Variants in C4orf50 observed in about 807,000 individuals in gnomAD.
The protein encoded by C4orf50 is uncharacterized protein C4orf50.
In C4orf50, 80 loss-of-function variants were observed where a neutral mutation model predicts 77.2. The ratio of observed to expected loss-of-function variants is 1.04; its 90% CI spans 0.87 to 1.25. C4orf50 has a LOEUF of 1.25. Among genes scored for constraint, C4orf50 ranks in the 50% most tolerant of loss-of-function variants. The pLI, the probability that C4orf50 is intolerant of heterozygous loss-of-function variation, is 0.00. For synonymous variants in C4orf50, 532 were observed against 465.3 expected (o/e 1.14, Z -1.84); for missense variants, 1,257 against 1,152.9 (o/e 1.09, Z -1.31).
chr4:5,972,669 A>T (rs1196839936), intron 31 of C4orf50, among the ~76,000 whole-genome samples: 1 of 152,190 alleles, frequency 6.6e-6, no homozygotes, highest in African/African-American at 2.4e-5. Flanking sequence ...AGAGACTCAG[A>T]CCTGGTGCCA....
chr4:5,959,252 G>C, exon 34 of C4orf50: 1 of 1,196,626 alleles, frequency 8.4e-7, no homozygotes, highest in South Asian at 1.5e-5. Context: ...AAAGCCGAAG[G>C]CAAAACCACT....
At chr4:5,988,528 C>A (rs1037819404) in exon 28 of C4orf50, 1 of 1,537,730 alleles carries the variant, frequency 6.5e-7, no homozygotes, top group Non-Finnish European at 8.7e-7. Flanking sequence ...AGCACCGCGT[C>A]TGGAATTCCC....
intron 33 of C4orf50, 148 bp from the exon 12 acceptor site, chr4:5,959,774 C>T (rs1719172092): frequency 1.1e-6 from 1 of 902,308 alleles, no homozygotes; most frequent in Non-Finnish European, 1.6e-6. Context: ...ACTCCTCACA[C>T]ATTGGCTCAC....
At chr4:5,995,609 C>G (rs899956052) in intron 25 of C4orf50, among the ~76,000 whole-genome samples, 5 of 152,096 alleles carry the variant, frequency 3.3e-5, no homozygotes, top group Non-Finnish European at 4.4e-5. Context: ...TGCTCCAGCC[C>G]GGTGCTGTTG....
exon 33 of C4orf50, chr4:5,965,066 C>T: frequency 6.2e-7 from 1 of 1,613,736 alleles, no homozygotes; most frequent in Non-Finnish European, 8.5e-7. Context: ...GCCACTCCGG[C>T]TCGGGAATAG....
At chr4:5,988,549 G>A (rs1721015920) in exon 28 of C4orf50, 2 of 1,537,088 alleles carry the variant, frequency 1.3e-6, no homozygotes, top group Non-Finnish European at 1.7e-6. Flanking sequence ...GGTGCCTGTG[G>A]AAGGTCCTGT....
At chr4:5,935,373 A>C (rs1717961394) in intron 7 of C4orf50, among the ~76,000 whole-genome samples, 2 of 152,238 alleles carry the variant, frequency 1.3e-5, no homozygotes, top group Non-Finnish European at 2.9e-5. Flanking sequence ...AGGTGAAGAG[A>C]AAAAAGCCAT....
chr4:5,998,613 G>A (rs1342529540), intron 25 of C4orf50, among the ~76,000 whole-genome samples: 1 of 152,200 alleles, frequency 6.6e-6, no homozygotes, highest in African/African-American at 2.4e-5. Context: ...GATGACAGTG[G>A]ACAAGGACTT....
At chr4:6,003,127 G>A (rs1018618169) in intron 25 of C4orf50, among the ~76,000 whole-genome samples, 5 of 152,184 alleles carry the variant, frequency 3.3e-5, no homozygotes, top group Admixed American at 2.0e-4. Flanking sequence ...CTTTGCACAA[G>A]GCCACTGCAG....
At chr4:5,959,268 C>A in exon 34 of C4orf50, 4 of 1,337,044 alleles carry the variant, frequency 3.0e-6, no homozygotes, top group Admixed American at 2.2e-5. Flanking sequence ...CCACTTGCCA[C>A]TAAATGAGGG....
At chr4:5,928,854 A>G (rs1218177510) in intron 7 of C4orf50, among the ~76,000 whole-genome samples, 3 of 152,244 alleles carry the variant, frequency 2.0e-5, no homozygotes, top group Non-Finnish European at 4.4e-5. Flanking sequence ...AAAACAAAAA[A>G]TAAGTCAACC....
intron 28 of C4orf50, among the ~76,000 whole-genome samples, chr4:5,985,175 T>C (rs1720793610): frequency 6.6e-6 from 1 of 152,088 alleles, no homozygotes. Context: ...AAAAATTGTT[T>C]TCATAAAAAG....
intron 7 of C4orf50, among the ~76,000 whole-genome samples, chr4:5,929,088 C>T (rs1188144303): frequency 6.6e-6 from 1 of 152,224 alleles, no homozygotes; most frequent in East Asian, 1.9e-4. Flanking sequence ...GAAAAGGCCA[C>T]TATTTCATGG....
At chr4:5,914,970 G>C (rs1716970408) in intron 7 of C4orf50, among the ~76,000 whole-genome samples, 1 of 152,152 alleles carries the variant, frequency 6.6e-6, no homozygotes, top group African/African-American at 2.4e-5. Context: ...TTGATTGTCT[G>C]TCTGGTCACT....
At chr4:5,943,468 G>A (rs527849318) in intron 7 of C4orf50, among the ~76,000 whole-genome samples, 37 of 152,188 alleles carry the variant, frequency 2.4e-4, no homozygotes, top group Non-Finnish European at 3.8e-4. Flanking sequence ...CCAGGGAGCT[G>A]GGGGATCAGA....
chr4:5,898,354 G>C (rs1473131776), intron 7 of C4orf50: 1 of 152,242 alleles, frequency 6.6e-6, no homozygotes, highest in Non-Finnish European at 1.5e-5. Context: ...TTTGTGCAGA[G>C]CCCATTTTCA....
chr4:5,941,841 G>T (rs777269628), intron 7 of C4orf50, among the ~76,000 whole-genome samples: 2 of 152,124 alleles, frequency 1.3e-5, no homozygotes, highest in Non-Finnish European at 2.9e-5. Flanking sequence ...TTTACAATGG[G>T]ACTCCTCCTC....
chr4:5,974,651 G>A (rs1195840179), intron 30 of C4orf50, among the ~76,000 whole-genome samples: 1 of 152,144 alleles, frequency 6.6e-6, no homozygotes, highest in Non-Finnish European at 1.5e-5. Context: ...CTGCCCTGAG[G>A]CCAGAGAGAA....
intron 7 of C4orf50, among the ~76,000 whole-genome samples, chr4:5,934,278 G>C (rs550434662): frequency 2.1e-4 from 32 of 152,254 alleles, no homozygotes; most frequent in African/African-American, 7.7e-4. Flanking sequence ...CACACACATT[G>C]GTCCTTTCCA....
Sources: allele counts gnomAD v4.1 joint callset (sites outside exome capture counted in the v4.1 genomes callset), GRCh38; gene constraint gnomAD v4.1.1; transcripts MANE v1.5; gene names NCBI Gene and HGNC (gene_info 2026-07-23, HGNC 2026-07-21).